The following TTN variants were observed in gnomAD, a reference collection of about 807,000 sequenced individuals.
TTN encodes titin, also known as connectin.
A neutral mutation model predicts 3,223.0 loss-of-function variants in TTN; 1,525 were observed. The ratio of observed to expected loss-of-function variants is 0.47; its 90% CI spans 0.45 to 0.49. The LOEUF (loss-of-function observed/expected upper bound fraction) is 0.49, where lower values mean the gene tolerates loss of function less well. TTN is among the 20% of genes least tolerant of loss of function. TTN has a pLI of 0.00. For missense variants in TTN, 40,786 were observed against 43,424.0 expected (o/e 0.94, Z 5.40); for synonymous variants, 14,094 against 15,161.0 (o/e 0.93, Z 5.17).
chr2:178,748,396 A>C (rs2084313740), intron 47 of TTN: 1 of 1,613,046 alleles, frequency 6.2e-7, no homozygotes, highest in Admixed American at 1.7e-5. Context: ...CAAATACATT[A>C]TTTTGCACAC....
At position 178,590,518 on chromosome 2, in the gene TTN, T is replaced by C; in HGVS notation, c.61207A>G (p.Ile20403Val). ...TKPLSDGGSP[I>V]LGYVVECQKP... ...TGACATTCCACTACATATCCTAGAA[T>C]GGGGCTACCACCATCACTGAGAGGC... The change falls in exon 304 of 363, where the codon ATT becomes GTT. Residue 20403 changes from isoleucine (I) to valine (V), a missense_variant. Ile to Val is a conservative substitution (Grantham distance 29). Coordinates refer to ENST00000589042, the MANE Select transcript of TTN (RefSeq NM_001267550.2). The C allele has an allele frequency of 6.2e-7, 1 of 1,613,070 alleles. No individual in the cohort carries two copies. The highest frequency in any genetic ancestry group is 1.1e-5 in the South Asian group (1 of 91,010).
At position 178,674,429 on chromosome 2, in the gene TTN, T is replaced by G; in HGVS notation, c.34613-20A>C. 2.3e-6 allele frequency: 3 copies of G among 1,332,644 alleles called. No homozygotes were observed. Among genetic ancestry groups the G allele is most frequent in the Non-Finnish European group, 3.1e-6 (3 of 981,856 alleles). The allele number at this position is 1,332,644 out of a possible 1,614,324, so 82.6% of individuals were successfully genotyped here. A position where few individuals can be genotyped will look rare whatever the true frequency, so the allele number is the denominator to read the frequency against. On this transcript the variant is annotated intron_variant, in intron 150 of 362. Transcript: ENST00000589042. Reference sequence around the variant, plus strand: ...CAGTCACTTTAAAAAGATTATTATTTTGTAAATTATTTTTATAATTATTTT... The same window carrying G: ...CAGTCACTTTAAAAAGATTATTATTGTGTAAATTATTTTTATAATTATTTT...
In TTN at chr2:178,578,011, G is replaced by T. The variant is rs1187118062; in HGVS notation, c.68504C>A (p.Pro22835His). The change falls in exon 322 of 363, where the codon CCT becomes CAT. Residue 22835 changes from proline (P) to histidine (H), a missense_variant. By Grantham distance (77) the Pro-to-His change is moderately conservative. Coordinates refer to ENST00000589042, the MANE Select transcript of TTN (RefSeq NM_001267550.2). ...GVGKPSLPSE[P>H]VVALDPIDPP... ...ACCAATTGGGTCCAGTGCCACAACA[G>T]GCTCTGATGGTAGGCTTGGCTTGCC... 2 of 1,613,050 alleles carry T rather than the reference G, an allele frequency of 1.2e-6. No homozygotes were observed. The highest frequency in any genetic ancestry group is 1.7e-6 in the Non-Finnish European group (2 of 1,179,420).
Position 178,729,306 on chromosome 2 carries a change from T to C in TTN, c.18850A>G (p.Thr6284Ala). 1 of 1,611,086 alleles carries C rather than the reference T, an allele frequency of 6.2e-7. No individual in the cohort carries two copies. Among genetic ancestry groups the C allele is most frequent in the Non-Finnish European group, 8.5e-7 (1 of 1,177,982 alleles). The change falls in exon 64 of 363, where the codon ACT becomes GCT. Residue 6284 changes from threonine (T) to alanine (A), a missense_variant. Coordinates refer to ENST00000589042, the MANE Select transcript of TTN (RefSeq NM_001267550.2). ...AACTGACCTTTCAGGGCAACTCTAG[T>C]ACTGCATGAGCAGCTGCCGCCTTCA... is the stretch of plus-strand genomic sequence containing the variant. The part of the protein sequence containing the change: ...SNEGGSCSCS[T>A]RVALKEPPSF...
chr2:178,710,274 C>A (rs181913825), intron 98 of TTN, among the ~76,000 whole-genome samples: 2 of 152,048 alleles, frequency 1.3e-5, no homozygotes, highest in African/African-American at 4.8e-5. Flanking sequence ...GGTGAAACCC[C>A]GTTTCTACCA....
intron 20 of TTN, among the ~76,000 whole-genome samples, chr2:178,781,980 G>A (rs992795238): frequency 6.6e-6 from 1 of 151,806 alleles, no homozygotes; most frequent in Non-Finnish European, 1.5e-5. Flanking sequence ...CAAACTCAAT[G>A]AATTAAACTA....
chr2:178,589,064 T>C lies in TTN; in HGVS notation c.62661A>G (p.Pro20887=). 1 of 1,609,352 alleles carries C rather than the reference T, an allele frequency of 6.2e-7. No homozygotes were observed. The highest frequency in any genetic ancestry group is 1.3e-5 in the African/African-American group (1 of 75,018). The change falls in exon 304 of 363, where the codon CCA becomes CCG. Residue 20887 remains proline (P), a synonymous_variant. Transcript: ENST00000589042. ...TTTCACAGCCACCATCATCTTCTGG[T>C]GGATCCCAGCAAACAGTACACCTAT... is the stretch of plus-strand genomic sequence containing the variant. The part of the protein sequence containing the change: ...SSDRCTVCWD[P]PEDDGGCEIQ...
At position 178,725,914 on chromosome 2, in the gene TTN, C is replaced by A. The variant is rs2079258083; in HGVS notation, c.20408G>T (p.Ser6803Ile). 6.2e-7 allele frequency: 1 copy of A among 1,612,962 alleles called. No homozygotes were observed. The highest frequency in any genetic ancestry group is 8.5e-7 in the Non-Finnish European group (1 of 1,179,448). ...GGATGCAATCTTGTATTTCTTGCTGCTTCTGAGTTGCCGCTTGTCTTTGTA... is the reference window on the plus strand; with the variant it reads ...GGATGCAATCTTGTATTTCTTGCTGATTCTGAGTTGCCGCTTGTCTTTGTA... ...VWYKDKRQLR[S>I]SKKYKIASKN... Residue 6803 changes from serine (S) to isoleucine (I), a missense_variant, in exon 70 of 363, where the codon AGC becomes ATC. Physicochemically the swap from Ser to Ile is moderately radical, Grantham distance 142 (BLOSUM62 -2). Transcript: ENST00000589042.
Position 178,562,315 on chromosome 2 carries a change from A to C in TTN, c.83817T>G (p.Val27939=), listed in dbSNP as rs1165598272. ...GEEYVFRVAA[V]NEKGRSDPRQ... is the part of the protein sequence containing the mutation. ...TTGGATCACTTCTTCCCTTTTCGTT[A>C]ACTGCAGCTACCCTGAAGACATACT... Residue 27939 remains valine, a synonymous_variant, in exon 326 of 363, where the codon GTT becomes GTG. Coordinates refer to ENST00000589042, the MANE Select transcript of TTN (RefSeq NM_001267550.2). The C allele has an allele frequency of 1.9e-6, 3 of 1,613,202 alleles. No individual in the cohort carries two copies. The highest frequency in any genetic ancestry group is 2.2e-5 in the South Asian group (2 of 90,942).
In TTN at chr2:178,794,909, A is replaced by G; in HGVS notation, c.1245+13T>C. ...ATGTGAAATAAGGAAAAACAAAACC[A>G]TTCTGACAGTACCTCTTTAGCACCA... On this transcript the variant is annotated intron_variant, in intron 7 of 362. Transcript: ENST00000589042. 1 of 1,600,432 alleles carries G rather than the reference A, an allele frequency of 6.2e-7. No individual in the cohort carries two copies. The highest frequency in any genetic ancestry group is 8.5e-7 in the Non-Finnish European group (1 of 1,179,884).
rs763313986 is a variant in TTN, at chr2:178,597,781, T to C, written c.57301A>G (p.Arg19101Gly). ...DLQLDASVRD[R>G]IVVHAGGVIR... is the part of the protein sequence containing the mutation. ...ACCCCTCCAGCATGGACAACAATTCTATCTCTGACACTGGCATCTAGCTGA... is the reference window on the plus strand; with the variant it reads ...ACCCCTCCAGCATGGACAACAATTCCATCTCTGACACTGGCATCTAGCTGA... Residue 19101 changes from arginine to glycine, a missense_variant, in exon 294 of 363, where the codon AGA (arginine) becomes GGA (glycine). Coordinates refer to ENST00000589042, the MANE Select transcript of TTN (RefSeq NM_001267550.2). The C allele has an allele frequency of 6.2e-7, 1 of 1,613,248 alleles. No homozygotes were observed. The highest frequency in any genetic ancestry group is 1.3e-5 in the African/African-American group (1 of 75,020).
chr2:178,605,754 A>C (rs776504796), intron 278 of TTN, 41 bp from the exon 279 acceptor site: 2 of 1,387,112 alleles, frequency 1.4e-6, no homozygotes, highest in South Asian at 4.0e-5. Context: ...CATGAGATAA[A>C]TATTCATGTA....
intron 20 of TTN, 116 bp from the exon 21 acceptor site, chr2:178,781,379 AT>A (rs2092747108): frequency 8.6e-7 from 1 of 1,157,182 alleles, no homozygotes; most frequent in Non-Finnish European, 1.3e-6. Context: ...CCCTAAACAT[AT>A]GACTAAGCTC....
chr2:178,639,674 A>G (rs759642051), intron 223 of TTN, 25 bp downstream of exon 223: 6 of 1,608,746 alleles, frequency 3.7e-6, no homozygotes, highest in East Asian at 2.2e-5. Context: ...ACAAACTAGC[A>G]AAAAGAAAGC....
In TTN at chr2:178,554,936, C is replaced by T. The variant is rs1314571330; in HGVS notation, c.88523G>A (p.Ser29508Asn). Residue 29508 changes from serine to asparagine, a missense_variant, in exon 331 of 363, where the codon AGT (serine) becomes AAT (asparagine). By Grantham distance (46) the Ser-to-Asn change is conservative. Coordinates refer to ENST00000589042, the MANE Select transcript of TTN (RefSeq NM_001267550.2). The stretch of plus-strand genomic sequence containing the variant: ...CCTTAGTTTTAATTCATAGCATCCA[C>T]TATTAAGGCGATCGGCATCTTTGAT... ...ILIKDADRLN[S>N]GCYELKLRNA... 1.7e-5 allele frequency: 28 copies of T among 1,613,728 alleles called. No homozygotes were observed. The Admixed American group carries it at 2.0e-4, about 12-fold the overall frequency.
At chr2:178,578,280 T>C (rs2046898092) in intron 321 of TTN, 95 bp from the exon 322 acceptor site, 1 of 1,119,026 alleles carries the variant, frequency 8.9e-7, no homozygotes, top group Non-Finnish European at 1.3e-6. Context: ...CCATATATAT[T>C]GAACAAGTAG....
rs150884428 is a variant in TTN at position 178,775,802 on chromosome 2, C to T, written c.6062G>A (p.Arg2021Gln). 23 of 1,613,456 alleles carry T rather than the reference C, an allele frequency of 1.4e-5. No homozygotes were observed. Among genetic ancestry groups the T allele is most frequent in the African/African-American group, 4.0e-5 (3 of 74,788 alleles). Residue 2021 changes from arginine to glutamine, a missense_variant, in exon 28 of 363, where the codon CGA (arginine) becomes CAA (glutamine). Physicochemically the swap from Arg to Gln is conservative, Grantham distance 43. Transcript: ENST00000589042. ...TTCCTCATAGGATTCATCCTTCTTT[C>T]GAGACTTGAGCTCCACAGCGGTAAT... is the stretch of plus-strand genomic sequence containing the variant. ...EAITAVELKS[R>Q]KKDESYEELL...
In TTN at chr2:178,773,875, G is replaced by A. The variant is rs2091880974; in HGVS notation, c.7293C>T (p.Ala2431=). Residue 2431 remains alanine (A), a synonymous_variant, in exon 31 of 363, where the codon GCC becomes GCT. Transcript: ENST00000589042. ...DAGNYSFTIP[A]LGLSTSGRVS... Reference sequence around the variant, plus strand: ...CACGCCCACTGGTGGAGAGGCCAAGGGCTGGAATGGTGAAAGAGTAATTTC... The same window carrying A: ...CACGCCCACTGGTGGAGAGGCCAAGAGCTGGAATGGTGAAAGAGTAATTTC... 1.2e-6 allele frequency: 2 copies of A among 1,613,996 alleles called. No homozygotes were observed. Among genetic ancestry groups the A allele is most frequent in the Non-Finnish European group, 1.7e-6 (2 of 1,179,972 alleles).
At position 178,581,604 on chromosome 2, in the gene TTN, G is replaced by T; in HGVS notation, c.66664C>A (p.Leu22222Met). The T allele has an allele frequency of 1.2e-6, 2 of 1,612,722 alleles. No individual in the cohort carries two copies. The highest frequency in any genetic ancestry group is 1.7e-6 in the Non-Finnish European group (2 of 1,179,208). ...LQKTRFEVTGLMEDTQYQFRV... is the reference protein window; with the variant it reads ...LQKTRFEVTGMMEDTQYQFRV... The stretch of plus-strand genomic sequence containing the variant: ...AATTGATATTGTGTGTCTTCCATCA[G>T]GCCAGTAACCTCAAAGCGGGTTTTC... Residue 22222 changes from leucine (L) to methionine (M), a missense_variant, in exon 316 of 363, where the codon CTG (leucine) becomes ATG (methionine). By Grantham distance (15) the Leu-to-Met change is conservative. Transcript: ENST00000589042.
Sources: gnomAD v4.1 joint callset for allele counts (sites outside exome capture counted in the v4.1 genomes callset) on GRCh38, gnomAD v4.1.1 for gene constraint, MANE v1.5 for transcripts, NCBI Gene and HGNC (gene_info 2026-07-23, HGNC 2026-07-21) for gene names.